Variants in ABL1 observed in about 807,000 individuals in gnomAD.
ABL1 encodes ABL proto-oncogene 1, non-receptor tyrosine kinase.
ABL1 carries 11 observed loss-of-function variants against 94.7 expected under a neutral mutation model. The ratio of observed to expected loss-of-function variants is 0.12; its 90% CI spans 0.07 to 0.19. ABL1 has a LOEUF of 0.19. ABL1 is among the 10% of genes least tolerant of loss of function. ABL1 has a pLI of 1.00. For missense variants in ABL1, 1,082 were observed against 1,489.4 expected (o/e 0.73, Z 4.50); for synonymous variants, 656 against 622.4 (o/e 1.05, Z -0.80).
rs1427420289 is a variant in ABL1 at position 130,872,574 on chromosome 9, C to T, written c.908-286C>T. 2.0e-5 allele frequency among the ~76,000 whole-genome samples: 3 copies of T among 152,160 alleles called. No individual in the cohort carries two copies. Among genetic ancestry groups the T allele is most frequent in the Non-Finnish European group, 1.5e-5 (1 of 68,036 alleles). On this transcript the variant is annotated intron_variant, in intron 5 of 10. Transcript: ENST00000318560. The surrounding 1 kb of genome is among the most constrained non-coding windows in gnomAD (Gnocchi z 5.0). The stretch of plus-strand genomic sequence containing the variant: ...ACCTAACCATTCAGGGGTAAACTGA[C>T]GGTGGTGAAGGTCATTTGAGGTGGG...
intron 1 of ABL1, among the ~76,000 whole-genome samples, chr9:130,796,920 CAAAAAAAAAAA>C (rs10607745): frequency 1.6e-5 from 1 of 60,758 alleles, no homozygotes; most frequent in South Asian, 6.0e-4. Context: ...AACTTCATCT[CAAAAAAAAAAA>C]AAAAAAAAAA....
chr9:130,719,173 G>C (rs889544157), intron 1 of ABL1, among the ~76,000 whole-genome samples: 18 of 152,076 alleles, frequency 1.2e-4, no homozygotes, highest in Admixed American at 7.2e-4. Flanking sequence ...TGGTTTGTGT[G>C]ATGTTCCAAG....
At chr9:130,783,953 G>C (rs184489500) in intron 1 of ABL1, among the ~76,000 whole-genome samples, 2 of 152,292 alleles carry the variant, frequency 1.3e-5, no homozygotes, top group African/African-American at 4.8e-5. Flanking sequence ...ACAGCACCCA[G>C]CTTGTGCATG....
In ABL1 at chr9:130,880,157, G is replaced by A. The variant is rs2133022666; in HGVS notation, c.1513G>A (p.Glu505Lys). The A allele has an allele frequency of 6.2e-7, 1 of 1,613,946 alleles. No individual in the cohort carries two copies. The stretch of plus-strand genomic sequence containing the variant: ...GTTCCAGGAATCCAGTATCTCAGAC[G>A]GTAAAGTACCCATCCCGGGGTACCT... ...TMFQESSISDEVEKELGKQGV... is the reference protein window; with the variant it reads ...TMFQESSISDKVEKELGKQGV... Residue 505 changes from glutamate to lysine, a missense_variant and splice_region_variant, in exon 9 of 11, where the codon GAA becomes AAA. By Grantham distance (56) the Glu-to-Lys change is moderately conservative. Coordinates refer to ENST00000318560, the MANE Select transcript of ABL1 (RefSeq NM_005157.6). The surrounding 1 kb of genome is among the most constrained non-coding windows in gnomAD (Gnocchi z 4.4).
intron 10 of ABL1, among the ~76,000 whole-genome samples, chr9:130,881,088 A>G (rs1420565969): frequency 6.6e-6 from 1 of 152,224 alleles, no homozygotes; most frequent in African/African-American, 2.4e-5. Context: ...GGACACGCAC[A>G]TGGACAGAAC....
In ABL1 at chr9:130,886,671, T is replaced by TCCCCC; in HGVS notation, c.*989_*993dup. 1 of 233,572 alleles carries TCCCCC rather than the reference T, an allele frequency of 4.3e-6. No individual in the cohort carries two copies. The highest frequency in any genetic ancestry group is 8.5e-6 in the Non-Finnish European group (1 of 118,026). The allele number at this position is 233,572 out of a possible 1,614,324, so 14.5% of individuals were successfully genotyped here. On this transcript the variant is annotated 3_prime_UTR_variant, in exon 11 of 11. Transcript: ENST00000318560. ...GGGTGCCCTGAAAGGGCCCTTCCCC[T>TCCCCC]CCCCCACTCCTCTAAGACAAAGTAG...
At chr9:130,733,907 TAC>T (rs1831701094) in intron 1 of ABL1, among the ~76,000 whole-genome samples, 1 of 152,062 alleles carries the variant, frequency 6.6e-6, no homozygotes, top group African/African-American at 2.4e-5. Flanking sequence ...CACTTTCATA[TAC>T]TTTTTTGTGA....
At position 130,884,684 on chromosome 9, in the gene ABL1, C is replaced by A. The variant is rs979241450; in HGVS notation, c.2394C>A (p.Phe798Leu). 2.5e-6 allele frequency: 4 copies of A among 1,612,918 alleles called. No individual in the cohort carries two copies. Among genetic ancestry groups the A allele is most frequent in the Non-Finnish European group, 3.4e-6 (4 of 1,179,978 alleles). The change falls in exon 11 of 11, where the codon TTC becomes TTA. Residue 798 changes from phenylalanine (F) to leucine (L), a missense_variant. Phe to Leu is a conservative substitution (Grantham distance 22, BLOSUM62 0). This residue lies in a region of ABL1 where 780 missense variants were observed against 835.8 expected (regional missense o/e 0.93). Transcript: ENST00000318560. The surrounding 1 kb of genome is among the most constrained non-coding windows in gnomAD (Gnocchi z 5.6). Reference protein sequence around the residue: ...KKNEEAADEVFKDIMESSPGS... With the variant: ...KKNEEAADEVLKDIMESSPGS... ...ATGAGGAAGCTGCTGATGAGGTCTT[C>A]AAAGACATCATGGAGTCCAGCCCGG...
exon 1 of ABL1, among the ~76,000 whole-genome samples, chr9:130,713,555 C>T (rs774637472): frequency 4.6e-5 from 7 of 152,224 alleles, no homozygotes; most frequent in Non-Finnish European, 1.5e-5. Context: ...CAAATCCCTC[C>T]CTTGCTGTCA....
chr9:130,789,336 C>T (rs1484043356), intron 1 of ABL1, among the ~76,000 whole-genome samples: 3 of 152,198 alleles, frequency 2.0e-5, no homozygotes, highest in African/African-American at 7.2e-5. Flanking sequence ...CAGCTGCTCC[C>T]ACATGGGTGT....
chr9:130,747,450 G>C (rs1489144756), intron 1 of ABL1, among the ~76,000 whole-genome samples: 1 of 152,014 alleles, frequency 6.6e-6, no homozygotes, highest in Non-Finnish European at 1.5e-5. Context: ...GTGTTGCTCT[G>C]TCGCCCAGGC....
intron 1 of ABL1, among the ~76,000 whole-genome samples, chr9:130,738,587 GA>G (rs554688251): frequency 6.6e-6 from 1 of 151,128 alleles, no homozygotes; most frequent in Non-Finnish European, 1.5e-5. Flanking sequence ...ATGTTGATGA[GA>G]AAAAAAAATC....
chr9:130,714,046 CG>C, exon 1 of ABL1: 1 of 334,326 alleles, frequency 3.0e-6, no homozygotes, highest in Non-Finnish European at 5.4e-6. Flanking sequence ...TTATTCAGCC[CG>C]TTTAAAACAA....
At chr9:130,765,556 G>C (rs1832172720) in intron 1 of ABL1, among the ~76,000 whole-genome samples, 1 of 152,116 alleles carries the variant, frequency 6.6e-6, no homozygotes, top group Admixed American at 6.5e-5. Flanking sequence ...AACTTTTAAA[G>C]GTTTTTGATA....
chr9:130,873,035 C>T lies in ABL1; in HGVS notation c.1083C>T (p.His361=), dbSNP rs765748211. 2 of 1,613,154 alleles carry T rather than the reference C, an allele frequency of 1.2e-6. No individual in the cohort carries two copies. The highest frequency in any genetic ancestry group is 1.7e-6 in the Non-Finnish European group (2 of 1,179,542). ...MEYLEKKNFI[H]RDLAARNCLV... is the part of the protein sequence containing the mutation. Reference sequence around the variant, plus strand: ...ACCTGGAGAAGAAAAACTTCATCCACAGGTAGGGGCCTGGCCAGGCAGCCT... The same window carrying T: ...ACCTGGAGAAGAAAAACTTCATCCATAGGTAGGGGCCTGGCCAGGCAGCCT... The change falls in exon 6 of 11, where the codon CAC becomes CAT. Residue 361 remains histidine, a splice_region_variant and synonymous_variant. Coordinates refer to ENST00000318560, the MANE Select transcript of ABL1 (RefSeq NM_005157.6).
chr9:130,746,708 G>C (rs551074313), intron 1 of ABL1, among the ~76,000 whole-genome samples: 1 of 152,006 alleles, frequency 6.6e-6, no homozygotes, highest in African/African-American at 2.4e-5. Context: ...TTGTTGCTTG[G>C]TGGGGCATTG....
chr9:130,869,145 C>T (rs746912357), intron 4 of ABL1, among the ~76,000 whole-genome samples: 1 of 149,170 alleles, frequency 6.7e-6, no homozygotes, highest in Non-Finnish European at 1.5e-5. Context: ...CTAGCCTGGG[C>T]GACAGAGCAA....
intron 1 of ABL1, among the ~76,000 whole-genome samples, chr9:130,852,936 GGT>G (rs10562700): frequency 0.044 from 6,730 of 152,136 alleles, 504 homozygotes; most frequent in African/African-American, 0.15. Flanking sequence ...GGACGGGTGG[GGT>G]GTGTTAATAG....
At position 130,885,044 on chromosome 9, in the gene ABL1, G is replaced by A. The variant is rs770973621; in HGVS notation, c.2754G>A (p.Pro918=). ...CTGGAGGAAAGCCCTCGCAGAGCCC[G>A]AGCCAGGAGGCGGCCGGGGAGGCAG... ...GKAGGKPSQS[P]SQEAAGEAVL... Residue 918 remains proline, a synonymous_variant, in exon 11 of 11, where the codon CCG becomes CCA. Coordinates refer to ENST00000318560, the MANE Select transcript of ABL1 (RefSeq NM_005157.6). The A allele has an allele frequency of 2.5e-5, 40 of 1,610,392 alleles. No individual in the cohort carries two copies. The highest frequency in any genetic ancestry group is 3.0e-5 in the Non-Finnish European group (35 of 1,178,614).
Sources: gnomAD v4.1 joint callset for allele counts (sites outside exome capture counted in the v4.1 genomes callset) on GRCh38, gnomAD v4.1.1 for gene constraint, gnomAD v4.1.1 regional missense constraint, Gnocchi (gnomAD v3.1) non-coding constraint, MANE v1.5 for transcripts, NCBI Gene and HGNC (gene_info 2026-07-23, HGNC 2026-07-21) for gene names.